The following CDH12 variants were observed in gnomAD, a reference collection of about 807,000 sequenced individuals.
CDH12 encodes the protein cadherin 12, also known as cadherin-12.
In CDH12, 41 loss-of-function variants were observed where a neutral mutation model predicts 74.1. The ratio of observed to expected loss-of-function variants is 0.55; its 90% CI spans 0.43 to 0.72. CDH12 has a LOEUF of 0.72. Among genes scored for constraint, CDH12 ranks in the 30% least tolerant of loss-of-function variants. The pLI, the probability that CDH12 is intolerant of heterozygous loss-of-function variation, is 0.00. For synonymous variants in CDH12, 399 were observed against 355.0 expected (o/e 1.12, Z -1.39); for missense variants, 945 against 977.2 (o/e 0.97, Z 0.44).
intron 5 of CDH12, among the ~76,000 whole-genome samples, chr5:22,000,880 A>T (rs1298493432): frequency 6.6e-6 from 1 of 152,184 alleles, no homozygotes; most frequent in Non-Finnish European, 1.5e-5. Context: ...TATTAAAATC[A>T]ATAGACTTTT....
chr5:21,983,023 C>T (rs572737368), intron 5 of CDH12, among the ~76,000 whole-genome samples: 2 of 152,220 alleles, frequency 1.3e-5, no homozygotes, highest in Admixed American at 6.5e-5. Context: ...CAAACAAGAA[C>T]ATCTGCACAA....
At chr5:22,088,437 C>T (rs759601939) in intron 4 of CDH12, among the ~76,000 whole-genome samples, 2 of 152,096 alleles carry the variant, frequency 1.3e-5, no homozygotes, top group South Asian at 4.1e-4. Context: ...TCTTGTAGAG[C>T]AGAAATTCCA....
intron 1 of CDH12, among the ~76,000 whole-genome samples, chr5:22,836,284 T>C (rs1357946926): frequency 7.2e-6 from 1 of 139,128 alleles, no homozygotes; most frequent in Non-Finnish European, 1.5e-5. Flanking sequence ...AGTGCAGTGA[T>C]GCGATCTCAG....
chr5:22,197,491 G>T (rs575734340), intron 4 of CDH12, among the ~76,000 whole-genome samples: 1 of 151,998 alleles, frequency 6.6e-6, no homozygotes, highest in South Asian at 2.1e-4. Flanking sequence ...AGAATGGAAA[G>T]AATATTGGCA....
intron 10 of CDH12, among the ~76,000 whole-genome samples, chr5:21,793,378 T>G (rs1000941253): frequency 2.0e-5 from 3 of 151,752 alleles, no homozygotes; most frequent in Non-Finnish European, 4.4e-5. Flanking sequence ...CATAATACAG[T>G]GCACTTATAT....
chr5:22,547,185 G>A (rs1738370820), intron 1 of CDH12, among the ~76,000 whole-genome samples: 1 of 152,172 alleles, frequency 6.6e-6, no homozygotes, highest in Non-Finnish European at 1.5e-5. Context: ...AACTGGATGG[G>A]GGAGTTAGTG....
At chr5:22,617,404 T>C (rs113445347) in intron 1 of CDH12, among the ~76,000 whole-genome samples, 2,736 of 152,128 alleles carry the variant, frequency 0.018, 39 homozygotes, top group Non-Finnish European at 0.027. Flanking sequence ...TTAAGAAGGA[T>C]AGGAAAGGGA....
intron 4 of CDH12, among the ~76,000 whole-genome samples, chr5:22,207,549 A>G (rs1050845720): frequency 6.6e-6 from 1 of 152,230 alleles, no homozygotes; most frequent in African/African-American, 2.4e-5. Flanking sequence ...ATTGTTGACT[A>G]CCAGTGGTCA....
chr5:22,405,049 T>C (rs895368006), intron 3 of CDH12, among the ~76,000 whole-genome samples: 2 of 151,686 alleles, frequency 1.3e-5, no homozygotes, highest in African/African-American at 2.4e-5. Flanking sequence ...ATTTCTACTA[T>C]AAATACAAAA....
chr5:22,832,760 C>G (rs978519229), intron 1 of CDH12, among the ~76,000 whole-genome samples: 1 of 152,040 alleles, frequency 6.6e-6, no homozygotes, highest in Non-Finnish European at 1.5e-5. Flanking sequence ...TTGTGGGAGA[C>G]TAGGAACAAC....
chr5:22,298,434 T>TTGC (rs1737725423), intron 3 of CDH12, among the ~76,000 whole-genome samples: 1 of 152,086 alleles, frequency 6.6e-6, no homozygotes, highest in African/African-American at 2.4e-5. Flanking sequence ...AACCTCTAAT[T>TTGC]TGCTTTTATA....
chr5:22,377,174 T>C (rs1741565066), intron 3 of CDH12, among the ~76,000 whole-genome samples: 1 of 152,160 alleles, frequency 6.6e-6, no homozygotes, highest in African/African-American at 2.4e-5. Flanking sequence ...ATAATACCAA[T>C]GACAGATTCT....
intron 1 of CDH12, among the ~76,000 whole-genome samples, chr5:22,567,373 C>A (rs534228223): frequency 1.3e-5 from 2 of 152,278 alleles, no homozygotes; most frequent in South Asian, 2.1e-4. Flanking sequence ...AGCAATGTTA[C>A]CTGCTTTAAG....
intron 5 of CDH12, among the ~76,000 whole-genome samples, chr5:22,030,528 A>C (rs558587549): frequency 6.6e-6 from 1 of 152,334 alleles, no homozygotes; most frequent in African/African-American, 2.4e-5. Flanking sequence ...TGCTGTAAGC[A>C]GATGTGCTGT....
chr5:22,560,345 G>A (rs921773136), intron 1 of CDH12, among the ~76,000 whole-genome samples: 12 of 152,054 alleles, frequency 7.9e-5, no homozygotes, highest in African/African-American at 2.9e-4. Context: ...TCCACGCTGC[G>A]TGCTATCTGT....
chr5:22,372,557 G>A (rs1271911216), intron 3 of CDH12, among the ~76,000 whole-genome samples: 2 of 152,110 alleles, frequency 1.3e-5, no homozygotes, highest in Non-Finnish European at 2.9e-5. Context: ...GAGCAGCTGC[G>A]ACATGCAAGG....
chr5:22,015,628 C>T (rs1297775096), intron 5 of CDH12, among the ~76,000 whole-genome samples: 1 of 152,120 alleles, frequency 6.6e-6, no homozygotes, highest in Non-Finnish European at 1.5e-5. Flanking sequence ...CACATTAAGA[C>T]TGCAAATGAC....
At chr5:22,294,055 G>A (rs72742086) in intron 3 of CDH12, among the ~76,000 whole-genome samples, 12,302 of 152,046 alleles carry the variant, frequency 0.081, 575 homozygotes, top group South Asian at 0.16. Flanking sequence ...CAATGTATAT[G>A]CTCTTCAGGA....
intron 5 of CDH12, among the ~76,000 whole-genome samples, chr5:22,069,212 A>G (rs1011854623): frequency 8.5e-5 from 13 of 152,246 alleles, no homozygotes; most frequent in Non-Finnish European, 1.2e-4. Context: ...ACAGTAATGA[A>G]CCCATGCTCA....
Sources: allele counts gnomAD v4.1 joint callset (sites outside exome capture counted in the v4.1 genomes callset), GRCh38; gene constraint gnomAD v4.1.1; transcripts MANE v1.5; gene names NCBI Gene and HGNC (gene_info 2026-07-23, HGNC 2026-07-21).